Variants in GRK5 observed in about 807,000 individuals in gnomAD.
GRK5 encodes the protein g protein-coupled receptor kinase GRK5.
Under a neutral mutation model 78.4 loss-of-function variants are expected in GRK5, and 40 were observed. The ratio of observed to expected loss-of-function variants is 0.51; its 90% CI spans 0.40 to 0.66. The LOEUF (loss-of-function observed/expected upper bound fraction) is 0.66, where lower values mean the gene tolerates loss of function less well. GRK5 is among the 30% of genes least tolerant of loss of function. The probability of loss-of-function intolerance (pLI) is 0.00; values close to 1 mark genes in which losing one functional copy is unlikely to be tolerated. For missense variants in GRK5, 598 were observed against 759.9 expected (o/e 0.79, Z 2.50); for synonymous variants, 289 against 296.8 (o/e 0.97, Z 0.27).
chr10:119,443,521 TCTCTC>T lies in GRK5; in HGVS notation c.1058-13_1058-9del. 6.3e-7 allele frequency: 1 copy of T among 1,586,350 alleles called. No homozygotes were observed. Among genetic ancestry groups the T allele is most frequent in the South Asian group, 1.1e-5 (1 of 90,008 alleles). Reference sequence around the variant, plus strand: ...CAGCTGTCTCCCTCCTCCTCACTCCTCTCTCCTCTCCTCTGCCCCCAGCTCCAGAG... The same window carrying T: ...CAGCTGTCTCCCTCCTCCTCACTCCTCTCTCCTCTGCCCCCAGCTCCAGAG... On this transcript the variant is annotated intron_variant, in intron 11 of 15. Transcript: ENST00000392870.
intron 1 of GRK5, among the ~76,000 whole-genome samples, chr10:119,208,948 C>T (rs1848435853): frequency 1.3e-5 from 2 of 151,734 alleles, no homozygotes; most frequent in South Asian, 4.2e-4. Flanking sequence ...CTCTAGTGTG[C>T]GACCTTTTTC....
At chr10:119,230,069 C>G (rs1015449995) in intron 1 of GRK5, among the ~76,000 whole-genome samples, 3 of 152,022 alleles carry the variant, frequency 2.0e-5, no homozygotes, top group Admixed American at 2.0e-4. Context: ...CTTGTGGTGG[C>G]CCCATTTTTC....
At chr10:119,246,182 C>T (rs907651501) in intron 1 of GRK5, among the ~76,000 whole-genome samples, 1 of 152,076 alleles carries the variant, frequency 6.6e-6, no homozygotes. Context: ...TCCATGGATG[C>T]TCAAGTCCCT....
Position 119,402,809 on chromosome 10 carries a change from G to A in GRK5, c.339+6037G>A, listed in dbSNP as rs186373211. On this transcript the variant is annotated intron_variant, in intron 4 of 15. Transcript: ENST00000392870. ...GGGGAGGTTGCAGTGAGCCAAGGTCGTGCCACTGCACTCCAGCCTGGGTGA... is the reference window on the plus strand; with the variant it reads ...GGGGAGGTTGCAGTGAGCCAAGGTCATGCCACTGCACTCCAGCCTGGGTGA... Among the ~76,000 whole-genome samples the A allele has an allele frequency of 1.5e-3, 232 of 152,326 alleles. 4 individuals carry two copies. Among genetic ancestry groups the A allele is most frequent in the African/African-American group, 5.3e-3 (219 of 41,572 alleles).
In GRK5 at chr10:119,378,203, ACC is replaced by A. The variant is rs1851654735; in HGVS notation, c.149-2609_149-2608del. On this transcript the variant is annotated intron_variant, in intron 2 of 15. Coordinates refer to ENST00000392870, the MANE Select transcript of GRK5 (RefSeq NM_005308.3). The surrounding 1 kb of genome is among the most constrained non-coding windows in gnomAD (Gnocchi z 4.5). The stretch of plus-strand genomic sequence containing the variant: ...GCGGGCTGGGACCACATCCCTAGGT[ACC>A]CCTCCCCGTCAGAACCTGGCACACA... 2.0e-5 allele frequency among the ~76,000 whole-genome samples: 3 copies of A among 151,998 alleles called. No homozygotes were observed. Among genetic ancestry groups the A allele is most frequent in the Admixed American group, 2.0e-4 (3 of 15,274 alleles).
intron 4 of GRK5, among the ~76,000 whole-genome samples, chr10:119,419,521 G>A (rs189013000): frequency 2.4e-4 from 36 of 152,354 alleles, no homozygotes; most frequent in Non-Finnish European, 1.0e-4. Flanking sequence ...AAAGGGGGTT[G>A]GGTTGGAATT....
intron 1 of GRK5, among the ~76,000 whole-genome samples, chr10:119,250,017 G>A (rs1007444832): frequency 6.6e-6 from 1 of 152,164 alleles, no homozygotes; most frequent in Non-Finnish European, 1.5e-5. Context: ...GGCAACTCTG[G>A]ATAGGGACTA....
chr10:119,216,702 C>G (rs1220171678), intron 1 of GRK5, among the ~76,000 whole-genome samples: 1 of 152,142 alleles, frequency 6.6e-6, no homozygotes, highest in Non-Finnish European at 1.5e-5. Context: ...CCTGTAATCC[C>G]AGCACTTTGG....
chr10:119,368,155 C>T lies in GRK5; in HGVS notation c.149-12660C>T, dbSNP rs890891086. Among the ~76,000 whole-genome samples, 5 of 152,348 alleles carry T rather than the reference C, an allele frequency of 3.3e-5. No homozygotes were observed. The East Asian group carries it at 7.7e-4, about 24-fold the overall frequency. ...AGTCCTCCCTGGCAGGCCAGGGCAG[C>T]GTGCAGGAAGGATGGGCTGGGCATT... On this transcript the variant is annotated intron_variant, in intron 2 of 15. Coordinates refer to ENST00000392870, the MANE Select transcript of GRK5 (RefSeq NM_005308.3).
intron 1 of GRK5, among the ~76,000 whole-genome samples, chr10:119,226,425 T>A (rs1488854209): frequency 6.6e-6 from 1 of 151,032 alleles, no homozygotes; most frequent in Non-Finnish European, 1.5e-5. Flanking sequence ...GTGCTGATTC[T>A]CTTCTGCTTA....
intron 2 of GRK5, among the ~76,000 whole-genome samples, chr10:119,345,620 T>C (rs956244560): frequency 3.3e-5 from 5 of 152,196 alleles, no homozygotes; most frequent in Non-Finnish European, 7.3e-5. Flanking sequence ...AGAAGATTCT[T>C]GACTTCTCTG....
chr10:119,244,591 G>T (rs527247479), intron 1 of GRK5, among the ~76,000 whole-genome samples: 1 of 152,296 alleles, frequency 6.6e-6, no homozygotes, highest in East Asian at 1.9e-4. Flanking sequence ...AAAATTAGCC[G>T]GGCATGGTGG....
chr10:119,452,570 T>A lies in GRK5; in HGVS notation c.1405-101T>A. ...CCATAGCAGTTCTGGGGGTGTGTCC[T>A]GGGAAGACTCCCTTCTGCTCCCCAA... On this transcript the variant is annotated intron_variant, in intron 13 of 15. Transcript: ENST00000392870. The surrounding 1 kb of genome is among the most constrained non-coding windows in gnomAD (Gnocchi z 4.4). 7.1e-7 allele frequency: 1 copy of A among 1,416,304 alleles called. No homozygotes were observed. Among genetic ancestry groups the A allele is most frequent in the Admixed American group, 1.8e-5 (1 of 54,816 alleles). 87.7% of individuals were successfully genotyped at this position (1,416,304 alleles called of 1,614,324 possible). A position where few individuals can be genotyped will look rare whatever the true frequency, so the allele number is the denominator to read the frequency against.
intron 2 of GRK5, among the ~76,000 whole-genome samples, chr10:119,358,191 G>A (rs1485412246): frequency 6.6e-6 from 1 of 152,178 alleles, no homozygotes; most frequent in Admixed American, 6.5e-5. Flanking sequence ...AGGTAGGTGA[G>A]GGCAAGGGTG....
intron 3 of GRK5, among the ~76,000 whole-genome samples, chr10:119,384,543 C>A (rs1307374161): frequency 6.6e-6 from 1 of 152,218 alleles, no homozygotes; most frequent in Non-Finnish European, 1.5e-5. Flanking sequence ...TTACCGCTCA[C>A]AACCATGTCT....
chr10:119,284,538 A>G (rs922755770), intron 1 of GRK5, among the ~76,000 whole-genome samples: 11 of 152,212 alleles, frequency 7.2e-5, no homozygotes, highest in Admixed American at 1.3e-4. Context: ...AGCAGTTACA[A>G]TCCAGTTTAT....
chr10:119,366,045 G>A (rs1851443811), intron 2 of GRK5, among the ~76,000 whole-genome samples: 1 of 152,226 alleles, frequency 6.6e-6, no homozygotes, highest in Non-Finnish European at 1.5e-5. Context: ...GTCCCTGACT[G>A]CTCCAAGTCG....
chr10:119,243,313 G>A (rs955528371), intron 1 of GRK5, among the ~76,000 whole-genome samples: 4 of 152,162 alleles, frequency 2.6e-5, no homozygotes, highest in Admixed American at 1.3e-4. Flanking sequence ...TGGCCAGGTC[G>A]AGTTTGTCCC....
chr10:119,259,065 C>CTTTT (rs397950981), intron 1 of GRK5, among the ~76,000 whole-genome samples: 8 of 130,190 alleles, frequency 6.1e-5, no homozygotes, highest in South Asian at 2.4e-4. Flanking sequence ...CTTTCTTTTT[C>CTTTT]TTTTTTTTTT....
Sources: allele counts gnomAD v4.1 joint callset (sites outside exome capture counted in the v4.1 genomes callset), GRCh38; gene constraint gnomAD v4.1.1; non-coding constraint Gnocchi (gnomAD v3.1); transcripts MANE v1.5; gene names NCBI Gene and HGNC (gene_info 2026-07-23, HGNC 2026-07-21).